The following PHF20 variants were observed in gnomAD, a reference collection of about 807,000 sequenced individuals.
PHF20 encodes glioma-expressed antigen 2.
Under a neutral mutation model 113.5 loss-of-function variants are expected in PHF20, and 23 were observed. The observed-to-expected ratio is 0.20, with a 90% CI of 0.15 to 0.29. The LOEUF is 0.29. Ranked by LOEUF, PHF20 falls within the 10% of genes least tolerant of loss-of-function variation. The pLI, the probability that PHF20 is intolerant of heterozygous loss-of-function variation, is 1.00. For missense variants in PHF20, 943 were observed against 1,219.6 expected, an observed-to-expected ratio of 0.77 and a Z score of 3.38; for synonymous variants, 434 against 457.3, an observed-to-expected ratio of 0.95 and a Z score of 0.65.
intron 9 of PHF20, among the ~76,000 whole-genome samples, chr20:35,875,831 A>G (rs1439820886): frequency 6.6e-6 from 1 of 152,212 alleles, no homozygotes; most frequent in Non-Finnish European, 1.5e-5. Flanking sequence ...CATATAAGTG[A>G]GGAGACTAGA....
intron 2 of PHF20, among the ~76,000 whole-genome samples, chr20:35,817,003 G>A (rs1192893289): frequency 2.0e-5 from 3 of 150,004 alleles, no homozygotes; most frequent in East Asian, 2.0e-4. Context: ...TGTTGGTCAG[G>A]CTGGTCTCGA....
chr20:35,921,568 C>T (rs1311661848), intron 13 of PHF20, among the ~76,000 whole-genome samples: 1 of 151,906 alleles, frequency 6.6e-6, no homozygotes, highest in East Asian at 1.9e-4. Flanking sequence ...CCAGCAGACC[C>T]AACTACTCCA....
intron 9 of PHF20, among the ~76,000 whole-genome samples, chr20:35,887,384 G>A (rs969902919): frequency 6.6e-6 from 1 of 152,168 alleles, no homozygotes; most frequent in East Asian, 1.9e-4. Context: ...GGCTCAGGCT[G>A]TATTCTCATC....
intron 4 of PHF20, chr20:35,855,249 C>A (rs1456035098): frequency 3.0e-6 from 4 of 1,335,176 alleles, no homozygotes; most frequent in Non-Finnish European, 3.9e-6. Context: ...TGCCAACACC[C>A]TGACAATATA....
chr20:35,776,211 G>T (rs979202376), intron 1 of PHF20, among the ~76,000 whole-genome samples: 5 of 152,144 alleles, frequency 3.3e-5, no homozygotes, highest in African/African-American at 1.2e-4. Flanking sequence ...TGTCTGTCTG[G>T]TTCCTCATCC....
At chr20:35,814,935 C>A (rs1600771965) in intron 2 of PHF20, among the ~76,000 whole-genome samples, 1 of 151,366 alleles carries the variant, frequency 6.6e-6, no homozygotes, top group Non-Finnish European at 1.5e-5. Context: ...GTAGCTCAAG[C>A]CTGTATTCCC....
intron 13 of PHF20, 152 bp from the exon 14 acceptor site, chr20:35,927,628 C>G: frequency 3.1e-6 from 2 of 642,974 alleles, no homozygotes; most frequent in Non-Finnish European, 5.6e-6. Flanking sequence ...AGATGTGTGG[C>G]AGCAGCTCAG....
At chr20:35,813,117 G>A (rs543354978) in intron 2 of PHF20, among the ~76,000 whole-genome samples, 13 of 152,058 alleles carry the variant, frequency 8.5e-5, no homozygotes, top group African/African-American at 1.9e-4. Flanking sequence ...ACAGGCGCCC[G>A]CCACCACGCC....
At chr20:35,788,551 T>C (rs963534538) in intron 1 of PHF20, among the ~76,000 whole-genome samples, 2 of 151,912 alleles carry the variant, frequency 1.3e-5, no homozygotes, top group Admixed American at 1.3e-4. Context: ...TCTGTTTTTA[T>C]TTCCATTTTG....
chr20:35,837,990 T>C (rs1450371372), intron 2 of PHF20, among the ~76,000 whole-genome samples: 1 of 152,190 alleles, frequency 6.6e-6, no homozygotes, highest in Non-Finnish European at 1.5e-5. Flanking sequence ...TTGGCTACTA[T>C]TGAGCCTCTT....
intron 9 of PHF20, among the ~76,000 whole-genome samples, chr20:35,873,472 T>TTG (rs1555795799): frequency 6.8e-6 from 1 of 146,728 alleles, no homozygotes; most frequent in Non-Finnish European, 1.5e-5. Flanking sequence ...TTTTGTTTTT[T>TTG]TTTTTTTTTT....
In PHF20 at chr20:35,845,784, T is replaced by C. The variant is rs551960659; in HGVS notation, c.256-1566T>C. Among the ~76,000 whole-genome samples, 15 of 150,788 alleles carry C rather than the reference T, an allele frequency of 9.9e-5. No homozygotes were observed. The East Asian group carries it at 1.2e-3, about 12-fold the overall frequency. On this transcript the variant is annotated intron_variant, in intron 3 of 17. Coordinates refer to ENST00000374012, the MANE Select transcript of PHF20 (RefSeq NM_016436.5). ...CCCTGCCTTCTATTTTTCTTTCTTTTTTTTTTTTTTTTTGAGGCAGTCTTA... is the reference window on the plus strand; with the variant it reads ...CCCTGCCTTCTATTTTTCTTTCTTTCTTTTTTTTTTTTTGAGGCAGTCTTA...
At chr20:35,773,206 A>G (rs893106439) in intron 1 of PHF20, among the ~76,000 whole-genome samples, 1 of 152,018 alleles carries the variant, frequency 6.6e-6, no homozygotes, top group Non-Finnish European at 1.5e-5. Context: ...CACTTTCCAG[A>G]TGCTTCTTAA....
chr20:35,858,567 T>G (rs1402794252), intron 5 of PHF20, among the ~76,000 whole-genome samples, 186 bp downstream of exon 5: 1 of 151,790 alleles, frequency 6.6e-6, no homozygotes, highest in Admixed American at 6.6e-5. Context: ...TGCTGTTTCC[T>G]ATTTATTTAT....
At chr20:35,792,561 T>C (rs1339151747) in intron 1 of PHF20, among the ~76,000 whole-genome samples, 1 of 152,060 alleles carries the variant, frequency 6.6e-6, no homozygotes, top group African/African-American at 2.4e-5. Context: ...TCTTCTGCCT[T>C]TCCTCCCTCC....
At chr20:35,931,937 G>A (rs1046797604) in intron 15 of PHF20, among the ~76,000 whole-genome samples, 3 of 151,650 alleles carry the variant, frequency 2.0e-5, no homozygotes, top group Admixed American at 6.6e-5. Context: ...GGCAATAAGA[G>A]CGAAACTCCG....
intron 2 of PHF20, among the ~76,000 whole-genome samples, chr20:35,839,692 CA>C (rs1159122120): frequency 1.3e-5 from 2 of 152,150 alleles, no homozygotes; most frequent in Admixed American, 1.3e-4. Flanking sequence ...AGACTAGTTT[CA>C]GGGCTGTTTA....
rs538416469 is a variant in PHF20, at chr20:35,876,228, A to AT, written c.1282+4410dup. Among the ~76,000 whole-genome samples the AT allele has an allele frequency of 5.2e-3, 774 of 148,096 alleles. 3 individuals carry two copies. The highest frequency in any genetic ancestry group is 0.017 in the African/African-American group (709 of 40,622). ...AATATAGCATGGAACCCATTACTGT[A>AT]TTTTTTTTTTTGAATGAGGTATTTG... On this transcript the variant is annotated intron_variant, in intron 9 of 17. Coordinates refer to ENST00000374012, the MANE Select transcript of PHF20 (RefSeq NM_016436.5).
chr20:35,888,229 C>G (rs1487330514), intron 9 of PHF20, among the ~76,000 whole-genome samples: 1 of 152,166 alleles, frequency 6.6e-6, no homozygotes, highest in Non-Finnish European at 1.5e-5. Context: ...GACCCACCCA[C>G]CTTGACCTCT....
Sources: gnomAD v4.1 joint callset for allele counts (sites outside exome capture counted in the v4.1 genomes callset) on GRCh38, gnomAD v4.1.1 for gene constraint, MANE v1.5 for transcripts, NCBI Gene and HGNC (gene_info 2026-07-23, HGNC 2026-07-21) for gene names.